The following WDR11 variants were observed in gnomAD, a reference collection of about 807,000 sequenced individuals.
The protein encoded by WDR11 is WD repeat-containing protein 11.
A neutral mutation model predicts 151.2 loss-of-function variants in WDR11; 83 were observed. The ratio of observed to expected loss-of-function variants is 0.55; its 90% CI spans 0.46 to 0.66. The LOEUF is 0.66. Ranked by LOEUF, WDR11 falls within the 30% of genes least tolerant of loss-of-function variation. The pLI is 0.00. For synonymous variants in WDR11, 484 were observed against 533.1 expected (o/e 0.91, Z 1.27); for missense variants, 1,301 against 1,480.9 (o/e 0.88, Z 1.99).
chr10:120,880,698 A>G, intron 12 of WDR11, 128 bp from the exon 13 acceptor site: 1 of 829,226 alleles, frequency 1.2e-6, no homozygotes, highest in Non-Finnish European at 1.9e-6. Context: ...TTAGAAGCAA[A>G]TGGAAGAATG....
rs780813963 is a variant in WDR11, at chr10:120,883,931, A to G, written c.1848+43A>G. On this transcript the variant is annotated intron_variant, in intron 14 of 28. Transcript: ENST00000263461. The stretch of plus-strand genomic sequence containing the variant: ...AATTTAATAGCTTATTTAGGTATAT[A>G]TGTATGTGGTGAATGTTTTGCTTAA... The G allele has an allele frequency of 3.3e-6, 5 of 1,493,096 alleles. No homozygotes were observed. The African/African-American group carries it at 6.9e-5, about 21-fold the overall frequency. The allele number at this position is 1,493,096 out of a possible 1,614,324, so 92.5% of individuals were successfully genotyped here.
rs1846387224 is a variant in WDR11 at position 120,868,285 on chromosome 10, C to G, written c.1294+1116C>G. On this transcript the variant is annotated intron_variant, in intron 9 of 28. Coordinates refer to ENST00000263461, the MANE Select transcript of WDR11 (RefSeq NM_018117.12). The stretch of plus-strand genomic sequence containing the variant: ...CCTGGCCAACATAGTGAAACCCTGT[C>G]TCTACTAAAAATATAAGAATTAGCC... Among the ~76,000 whole-genome samples, 2 of 151,940 alleles carry G rather than the reference C, an allele frequency of 1.3e-5. 1 individual carries two copies. The highest frequency in any genetic ancestry group is 4.2e-4 in the South Asian group (2 of 4,814).
At chr10:120,895,799 T>C (rs10886795) in intron 19 of WDR11, among the ~76,000 whole-genome samples, 43,820 of 152,066 alleles carry the variant, frequency 0.29, 7,005 homozygotes, top group East Asian at 0.42. Context: ...AAATTGTTTC[T>C]TACCTATCAG....
At chr10:120,904,507 T>G in intron 24 of WDR11, 139 bp from the exon 25 acceptor site, 1 of 1,063,362 alleles carries the variant, frequency 9.4e-7, no homozygotes, top group Non-Finnish European at 1.4e-6. Context: ...CTCTGTTTAA[T>G]GTTTGTATTT....
intron 3 of WDR11, 126 bp downstream of exon 3, chr10:120,858,922 T>G (rs1846038001): frequency 2.5e-6 from 3 of 1,214,686 alleles, no homozygotes; most frequent in Admixed American, 2.0e-5. Flanking sequence ...TTGATTGTGT[T>G]TTGCCTATTC....
intron 19 of WDR11, among the ~76,000 whole-genome samples, chr10:120,891,105 T>G (rs926980547): frequency 1.5e-5 from 2 of 135,474 alleles, no homozygotes; most frequent in African/African-American, 5.7e-5. Context: ...AATTCAGGTT[T>G]TTTAAGTGCC....
chr10:120,869,106 GTTTTTTTTTT>G (rs35675368), intron 9 of WDR11, among the ~76,000 whole-genome samples: 1 of 82,020 alleles, frequency 1.2e-5, no homozygotes, highest in African/African-American at 4.3e-5. Flanking sequence ...TAAATTACAG[GTTTTTTTTTT>G]TTTTTTTTTT....
chr10:120,862,698 T>C, intron 4 of WDR11, 37 bp from the exon 5 acceptor site: 3 of 1,603,930 alleles, frequency 1.9e-6, no homozygotes, highest in Non-Finnish European at 1.7e-6. Flanking sequence ...CTAAACTTCA[T>C]TAAACTTTAA....
chr10:120,897,896 A>G (rs889745360), intron 19 of WDR11, among the ~76,000 whole-genome samples: 6 of 152,334 alleles, frequency 3.9e-5, no homozygotes, highest in African/African-American at 1.4e-4. Context: ...GGTGTAAAAA[A>G]AAAGTATTAT....
chr10:120,878,496 G>T, intron 12 of WDR11, 37 bp downstream of exon 12: 1 of 1,505,796 alleles, frequency 6.6e-7, no homozygotes, highest in South Asian at 1.1e-5. Flanking sequence ...TTGTCATATT[G>T]AATAAACATG....
rs80289777 is a variant in WDR11 at position 120,857,871 on chromosome 10, G to A, written c.199-772G>A. Among the ~76,000 whole-genome samples the A allele has an allele frequency of 2.8e-3, 430 of 152,264 alleles. 3 individuals carry two copies. Among genetic ancestry groups the A allele is most frequent in the African/African-American group, 9.7e-3 (403 of 41,560 alleles). ...TGCCCTATGGAACTTACAGTTGATGGACTCATGAATAGGCAAAAAGAATGT... is the reference window on the plus strand; with the variant it reads ...TGCCCTATGGAACTTACAGTTGATGAACTCATGAATAGGCAAAAAGAATGT... On this transcript the variant is annotated intron_variant, in intron 2 of 28. Transcript: ENST00000263461.
intron 3 of WDR11, among the ~76,000 whole-genome samples, chr10:120,859,101 A>G (rs1846045857): frequency 6.6e-6 from 1 of 152,162 alleles, no homozygotes; most frequent in South Asian, 2.1e-4. Context: ...GCTACAATAT[A>G]AGGAAAATTG....
chr10:120,895,615 A>G (rs1361954053), intron 19 of WDR11, among the ~76,000 whole-genome samples: 1 of 152,226 alleles, frequency 6.6e-6, no homozygotes, highest in Non-Finnish European at 1.5e-5. Flanking sequence ...AGTAATTCAC[A>G]AGTCACAGAC....
intron 19 of WDR11, among the ~76,000 whole-genome samples, chr10:120,893,010 T>C (rs1312264709): frequency 1.3e-5 from 2 of 152,048 alleles, no homozygotes; most frequent in Non-Finnish European, 2.9e-5. Context: ...GTGTTTTTTT[T>C]TTTTAATTTT....
At chr10:120,907,251 A>G (rs941366452) in intron 28 of WDR11, 3 of 258,508 alleles carry the variant, frequency 1.2e-5, no homozygotes, top group Non-Finnish European at 2.3e-5. Flanking sequence ...TAGAAAAAAT[A>G]TACTGGAATA....
At chr10:120,875,606 G>C (rs907407876) in intron 11 of WDR11, among the ~76,000 whole-genome samples, 3 of 152,156 alleles carry the variant, frequency 2.0e-5, no homozygotes, top group Admixed American at 6.5e-5. Flanking sequence ...CTGGTTTCAG[G>C]TGATTCTTAT....
intron 28 of WDR11, chr10:120,908,017 G>GT: frequency 4.3e-5 from 7 of 161,596 alleles, no homozygotes; most frequent in South Asian, 3.3e-4. Flanking sequence ...GAAGGTGACT[G>GT]GTTCAGTGTA....
chr10:120,869,352 ATCCGCCCG>A (rs1313124454), intron 9 of WDR11, among the ~76,000 whole-genome samples: 1 of 151,942 alleles, frequency 6.6e-6, no homozygotes, highest in Non-Finnish European at 1.5e-5. Flanking sequence ...TGACCTCGTG[ATCCGCCCG>A]CCTCGGCCTC....
At chr10:120,880,695 C>A in intron 12 of WDR11, 131 bp from the exon 13 acceptor site, 5 of 810,028 alleles carry the variant, frequency 6.2e-6, no homozygotes, top group East Asian at 2.7e-5. Context: ...AGATTAGAAG[C>A]AAATGGAAGA....
Sources: allele counts gnomAD v4.1 joint callset (sites outside exome capture counted in the v4.1 genomes callset), GRCh38; gene constraint gnomAD v4.1.1; transcripts MANE v1.5; gene names NCBI Gene and HGNC (gene_info 2026-07-23, HGNC 2026-07-21).